Variants in STXBP6 observed in about 807,000 individuals in gnomAD.
The protein encoded by STXBP6 is syntaxin binding protein 6, also known as syntaxin-binding protein 6.
Under a neutral mutation model 26.9 loss-of-function variants are expected in STXBP6, and 21 were observed. The ratio of observed to expected loss-of-function variants is 0.78; its 90% confidence interval spans 0.55 to 1.12. The LOEUF (loss-of-function observed/expected upper bound fraction) is 1.12. Ranked by LOEUF, STXBP6 falls within the 50% of genes most tolerant of loss-of-function variation. The pLI is 0.00. For synonymous variants in STXBP6, 97 were observed against 92.6 expected, an observed-to-expected ratio of 1.05 and a Z score of -0.27; for missense variants, 232 against 257.9, an observed-to-expected ratio of 0.90 and a Z score of 0.69.
intron 2 of STXBP6, among the ~76,000 whole-genome samples, chr14:24,911,402 GAAAGGAAAGGAAGAA>G (rs1160582608): frequency 6.6e-6 from 1 of 151,234 alleles, no homozygotes; most frequent in African/African-American, 2.4e-5. Flanking sequence ...AGAAAGGAAA[GAAAGGAAAGGAAGAA>G]GAAGGAAAGG....
intron 2 of STXBP6, among the ~76,000 whole-genome samples, chr14:24,933,279 A>T (rs964109): frequency 0.8 from 122,222 of 152,140 alleles, 49,239 homozygotes; most frequent in African/African-American, 0.86. Flanking sequence ...GAGGTGGACA[A>T]TGCAGTGAGC....
intron 1 of STXBP6, among the ~76,000 whole-genome samples, chr14:25,012,898 A>G (rs1240926100): frequency 6.6e-6 from 1 of 152,162 alleles, no homozygotes; most frequent in Non-Finnish European, 1.5e-5. Context: ...AGGGATTCCC[A>G]TCGGCCAAAG....
At chr14:24,944,141 A>C (rs1481106458) in intron 2 of STXBP6, among the ~76,000 whole-genome samples, 1 of 152,202 alleles carries the variant, frequency 6.6e-6, no homozygotes, top group Non-Finnish European at 1.5e-5. Flanking sequence ...CAAGGAACCA[A>C]CGAGTGAAAA....
At chr14:24,832,407 T>C (rs1221369626) in intron 4 of STXBP6, among the ~76,000 whole-genome samples, 2 of 152,172 alleles carry the variant, frequency 1.3e-5, no homozygotes, top group Non-Finnish European at 2.9e-5. Flanking sequence ...ACAGATTGGG[T>C]ATTTGGTGTG....
chr14:24,966,373 A>G (rs1455861398), intron 2 of STXBP6, among the ~76,000 whole-genome samples: 1 of 140,844 alleles, frequency 7.1e-6, no homozygotes, highest in Non-Finnish European at 1.5e-5. Flanking sequence ...TGTTCTCCAG[A>G]TCTAGCCCTG....
intron 2 of STXBP6, among the ~76,000 whole-genome samples, chr14:24,953,016 T>C (rs989787284): frequency 2.0e-5 from 3 of 152,220 alleles, no homozygotes; most frequent in African/African-American, 4.8e-5. Context: ...TGATGTCTTC[T>C]ATACTTTCTA....
intron 4 of STXBP6, among the ~76,000 whole-genome samples, chr14:24,845,543 C>A (rs1329896535): frequency 6.6e-6 from 1 of 151,962 alleles, no homozygotes; most frequent in Non-Finnish European, 1.5e-5. Flanking sequence ...GAAATTAGAA[C>A]AGATTAGCAG....
intron 1 of STXBP6, among the ~76,000 whole-genome samples, chr14:25,023,782 T>C (rs566937737): frequency 5.1e-4 from 78 of 152,246 alleles, no homozygotes; most frequent in African/African-American, 1.8e-3. Context: ...GGAAGAAGAC[T>C]GGAATGCAAT....
chr14:24,948,111 C>T (rs773027584), intron 2 of STXBP6, among the ~76,000 whole-genome samples: 3 of 152,102 alleles, frequency 2.0e-5, no homozygotes, highest in Non-Finnish European at 2.9e-5. Flanking sequence ...TGAGAAAAGG[C>T]GCCAATCCCA....
At chr14:24,967,317 T>C (rs997337783) in intron 2 of STXBP6, among the ~76,000 whole-genome samples, 7 of 151,826 alleles carry the variant, frequency 4.6e-5, no homozygotes, top group African/African-American at 1.7e-4. Context: ...AGCAGGCTGA[T>C]GCCACCCTGA....
At chr14:24,982,135 G>C (rs972098309) in intron 1 of STXBP6, among the ~76,000 whole-genome samples, 53 of 152,298 alleles carry the variant, frequency 3.5e-4, no homozygotes, top group African/African-American at 1.3e-3. Flanking sequence ...AGTGCTCCTT[G>C]AAAATTGCGG....
intron 2 of STXBP6, among the ~76,000 whole-genome samples, chr14:24,971,704 G>A (rs1341246403): frequency 6.6e-6 from 1 of 152,134 alleles, no homozygotes; most frequent in African/African-American, 2.4e-5. Flanking sequence ...CAAAACCAGT[G>A]AAGCCCTACT....
At chr14:24,886,035 C>A (rs1326926876) in intron 2 of STXBP6, among the ~76,000 whole-genome samples, 2 of 152,180 alleles carry the variant, frequency 1.3e-5, no homozygotes, top group African/African-American at 4.8e-5. Flanking sequence ...TAACACATTG[C>A]CTGGTCTCCT....
intron 4 of STXBP6, among the ~76,000 whole-genome samples, chr14:24,822,364 T>A (rs1185588355): frequency 6.6e-6 from 1 of 152,176 alleles, no homozygotes; most frequent in Non-Finnish European, 1.5e-5. Flanking sequence ...ATACACACAA[T>A]CTTTACCACA....
intron 2 of STXBP6, among the ~76,000 whole-genome samples, chr14:24,931,348 C>A (rs564799660): frequency 6.6e-6 from 1 of 151,564 alleles, no homozygotes; most frequent in African/African-American, 2.4e-5. Flanking sequence ...AACAAACCTG[C>A]AGATTGTGCA....
chr14:24,988,821 T>C (rs1442627272), intron 1 of STXBP6, among the ~76,000 whole-genome samples: 1 of 152,140 alleles, frequency 6.6e-6, no homozygotes, highest in Non-Finnish European at 1.5e-5. Context: ...TAAACGGTCA[T>C]TGAGACACCA....
Position 24,810,798 on chromosome 14 carries a change from T to C in STXBP6, c.*1911A>G, listed in dbSNP as rs942796598. 6.6e-6 allele frequency: 1 copy of C among 151,846 alleles called. No homozygotes were observed. The highest frequency in any genetic ancestry group is 1.5e-5 in the Non-Finnish European group (1 of 67,992). The allele number at this position is 151,846 out of a possible 1,614,324, so 9.4% of individuals were successfully genotyped here. A position where few individuals can be genotyped will look rare whatever the true frequency, so the allele number is the denominator to read the frequency against. ...CTGTCAGGGGGTTTTAGATTTATCC[T>C]TTCAATTATTTATACCAACTCTCTA... On this transcript the variant is annotated 3_prime_UTR_variant, in exon 6 of 6. Coordinates refer to ENST00000323944, the MANE Select transcript of STXBP6 (RefSeq NM_001394410.1).
At chr14:24,976,835 T>C (rs1018749719) in intron 1 of STXBP6, among the ~76,000 whole-genome samples, 1 of 144,158 alleles carries the variant, frequency 6.9e-6, no homozygotes, top group Non-Finnish European at 1.5e-5. Flanking sequence ...GCCAAAGTCC[T>C]GAGCTGACTG....
chr14:24,978,898 A>C (rs1178532394), intron 1 of STXBP6, among the ~76,000 whole-genome samples: 2 of 152,224 alleles, frequency 1.3e-5, no homozygotes, highest in South Asian at 4.1e-4. Flanking sequence ...GCGCATAAGC[A>C]AAGGGGAACA....
Sources: allele counts gnomAD v4.1 joint callset (sites outside exome capture counted in the v4.1 genomes callset), GRCh38; gene constraint gnomAD v4.1.1; transcripts MANE v1.5; gene names NCBI Gene and HGNC (gene_info 2026-07-23, HGNC 2026-07-21).